ESYT3: variants seen among roughly 807,000 people sequenced by gnomAD.
The protein encoded by ESYT3 is extended synaptotagmin 3, also known as extended synaptotagmin-3.
In ESYT3, 101 loss-of-function variants were observed where a neutral mutation model predicts 111.5. The observed-to-expected ratio is 0.91, with a 90% confidence interval of 0.77 to 1.07. The LOEUF (loss-of-function observed/expected upper bound fraction) is 1.07. Ranked by LOEUF, ESYT3 falls within the 50% of genes least tolerant of loss-of-function variation. The pLI is 0.00. For missense variants in ESYT3, 1,097 were observed against 1,109.4 expected (o/e 0.99, Z 0.16); for synonymous variants, 416 against 446.8 (o/e 0.93, Z 0.87).
chr3:138,474,968 T>C (rs755965443), intron 20 of ESYT3, among the ~76,000 whole-genome samples: 1 of 152,246 alleles, frequency 6.6e-6, no homozygotes, highest in Non-Finnish European at 1.5e-5. Context: ...TAAAAAGACA[T>C]TTCTAGCCAG....
chr3:138,455,141 TCTGCAGTG>T, intron 2 of ESYT3, 45 bp from the exon 3 acceptor site: 1 of 1,598,708 alleles, frequency 6.3e-7, no homozygotes, highest in South Asian at 1.1e-5. Context: ...CAGCTGTGGG[TCTGCAGTG>T]GGGGTACAGA....
At chr3:138,450,361 ATGTT>A (rs2031841658) in intron 1 of ESYT3, among the ~76,000 whole-genome samples, 1 of 152,094 alleles carries the variant, frequency 6.6e-6, no homozygotes, top group African/African-American at 2.4e-5. Flanking sequence ...GCTGCAGAGA[ATGTT>A]TGCTGAGCAG....
rs1366477456 is a variant in ESYT3, at chr3:138,435,153, G to A, written c.327+28G>A. ...GAGCCAAGCCGGGTGGGAGTGGGAGGTGGGGAGATGCCTTTCGAGGTTCGG... is the reference window on the plus strand; with the variant it reads ...GAGCCAAGCCGGGTGGGAGTGGGAGATGGGGAGATGCCTTTCGAGGTTCGG... On this transcript the variant is annotated intron_variant, in intron 1 of 22. Transcript: ENST00000389567. The surrounding 1 kb of genome is among the most constrained non-coding windows in gnomAD (Gnocchi z 4.8). 10 of 1,529,430 alleles carry A rather than the reference G, an allele frequency of 6.5e-6. No individual in the cohort carries two copies. The highest frequency in any genetic ancestry group is 2.3e-5 in the East Asian group (1 of 43,260). The allele number at this position is 1,529,430 out of a possible 1,614,324, so 94.7% of individuals were successfully genotyped here. A position where few individuals can be genotyped will look rare whatever the true frequency, so the allele number is the denominator to read the frequency against.
chr3:138,470,057 C>T lies in ESYT3; in HGVS notation c.1504-3C>T. The T allele has an allele frequency of 6.2e-7, 1 of 1,611,920 alleles. No individual in the cohort carries two copies. The highest frequency in any genetic ancestry group is 1.1e-5 in the South Asian group (1 of 90,914). ...CAATGATCTCTCCCTCTTCTGTTCC[C>T]AGACCTGTCCCCACAACAAGGACCC... On this transcript the variant is annotated splice_polypyrimidine_tract_variant and splice_region_variant and intron_variant, in intron 15 of 22. Coordinates refer to ENST00000389567, the MANE Select transcript of ESYT3 (RefSeq NM_031913.5).
At chr3:138,465,513 T>A in intron 10 of ESYT3, 92 bp downstream of exon 10, 2 of 980,610 alleles carry the variant, frequency 2.0e-6, no homozygotes, top group Non-Finnish European at 3.1e-6. Flanking sequence ...ACTTAATGAC[T>A]AGCAACCCGC....
intron 1 of ESYT3, among the ~76,000 whole-genome samples, chr3:138,445,386 G>A (rs2031469276): frequency 6.6e-6 from 1 of 152,194 alleles, no homozygotes; most frequent in Non-Finnish European, 1.5e-5. Context: ...CCCCCATTGG[G>A]CAGAGTTTCA....
Position 138,464,432 on chromosome 3 carries a change from G to A in ESYT3, c.1003G>A (p.Ala335Thr), listed in dbSNP as rs764090234. 6.2e-6 allele frequency: 10 copies of A among 1,614,128 alleles called. No homozygotes were observed. Among genetic ancestry groups the A allele is most frequent in the South Asian group, 1.1e-5 (1 of 91,076 alleles). ...GCTCCGAGGCAAGTCAGATCCCTAC[G>A]CCAAGGTGAGCATCGGCCTACAGCA... ...LGLRGKSDPY[A>T]KVSIGLQHFR... The change falls in exon 9 of 23, where the codon GCC becomes ACC. Residue 335 changes from alanine to threonine, a missense_variant. Ala to Thr is a moderately conservative substitution (Grantham distance 58). Coordinates refer to ENST00000389567, the MANE Select transcript of ESYT3 (RefSeq NM_031913.5).
Position 138,479,890 on chromosome 3 carries a change from T to A in ESYT3, c.*3036T>A, listed in dbSNP as rs2033648884. 1 of 152,206 alleles carries A rather than the reference T, an allele frequency of 6.6e-6. No homozygotes were observed. The highest frequency in any genetic ancestry group is 6.5e-5 in the Admixed American group (1 of 15,278). 9.4% of individuals were successfully genotyped at this position (152,206 alleles called of 1,614,324 possible). A position where few individuals can be genotyped will look rare whatever the true frequency, so the allele number is the denominator to read the frequency against. On this transcript the variant is annotated 3_prime_UTR_variant, in exon 23 of 23. Transcript: ENST00000389567. ...TCCCCTAGAGTCCACTTCTACCCCG[T>A]TTAGTAGTAAATACAAGAATTGCTA...
At chr3:138,459,789 G>A (rs1440747222) in intron 5 of ESYT3, among the ~76,000 whole-genome samples, 156 bp from the exon 6 acceptor site, 1 of 152,364 alleles carries the variant, frequency 6.6e-6, no homozygotes, top group Non-Finnish European at 1.5e-5. Context: ...CCTTAAGTAC[G>A]GTTCCTGCTG....
intron 20 of ESYT3, 131 bp from the exon 21 acceptor site, chr3:138,476,092 G>A: frequency 1.6e-6 from 1 of 641,396 alleles, no homozygotes; most frequent in Non-Finnish European, 2.8e-6. Flanking sequence ...GTAGTTATGA[G>A]CCAGTCCTGC....
Position 138,456,589 on chromosome 3 carries a change from C to T in ESYT3, c.505-979C>T, listed in dbSNP as rs191518978. On this transcript the variant is annotated intron_variant, in intron 3 of 22. Transcript: ENST00000389567. ...CAGGAGGTCAGCAGCCGGGAGCTGC[C>T]GGAGCTCCGCCTCCTGTCAGATCAG... Among the ~76,000 whole-genome samples the T allele has an allele frequency of 3.2e-3, 487 of 152,256 alleles. 4 individuals are homozygous for T. Among genetic ancestry groups the T allele is most frequent in the African/African-American group, 0.011 (448 of 41,546 alleles).
intron 1 of ESYT3, among the ~76,000 whole-genome samples, chr3:138,448,023 G>A (rs560981288): frequency 3.6e-4 from 54 of 151,896 alleles, no homozygotes; most frequent in African/African-American, 1.3e-3. Flanking sequence ...ATCCCAACGC[G>A]TTGGGAGGCC....
At chr3:138,474,473 A>C in intron 20 of ESYT3, 121 bp downstream of exon 20, 1 of 1,131,672 alleles carries the variant, frequency 8.8e-7, no homozygotes. Context: ...AAGACAACAT[A>C]GTCTATGACT....
chr3:138,441,578 C>T (rs2031155639), intron 1 of ESYT3, among the ~76,000 whole-genome samples: 1 of 152,098 alleles, frequency 6.6e-6, no homozygotes. Context: ...GGGCCACAAC[C>T]CAGCTACCTC....
At chr3:138,474,054 A>G (rs1256745348) in intron 19 of ESYT3, among the ~76,000 whole-genome samples, 167 bp from the exon 20 acceptor site, 2 of 152,230 alleles carry the variant, frequency 1.3e-5, no homozygotes, top group Non-Finnish European at 2.9e-5. Flanking sequence ...CATCAGGACC[A>G]CTGAGCATTT....
At chr3:138,468,570 C>T (rs182348151) in intron 12 of ESYT3, 85 bp from the exon 13 acceptor site, 5 of 1,427,454 alleles carry the variant, frequency 3.5e-6, no homozygotes, top group African/African-American at 1.4e-5. Context: ...AGCTGGCTTT[C>T]TTCTGCCATG....
rs1246187914 is a variant in ESYT3 at position 138,478,598 on chromosome 3, C to G, written c.*1744C>G. On this transcript the variant is annotated 3_prime_UTR_variant, in exon 23 of 23. Transcript: ENST00000389567. ...CCCCTCTTCTTCCAAACTTAAACCA[C>G]AAACATTTATTTTAAACGTGGTCAA... 6 of 152,186 alleles carry G rather than the reference C, an allele frequency of 3.9e-5. No homozygotes were observed. The highest frequency in any genetic ancestry group is 8.8e-5 in the Non-Finnish European group (6 of 68,034). The allele number at this position is 152,186 out of a possible 1,614,324, so 9.4% of individuals were successfully genotyped here. A position where few individuals can be genotyped will look rare whatever the true frequency, so the allele number is the denominator to read the frequency against.
intron 3 of ESYT3, among the ~76,000 whole-genome samples, chr3:138,456,514 T>A (rs2032285257): frequency 6.6e-6 from 1 of 152,118 alleles, no homozygotes; most frequent in African/African-American, 2.4e-5. Flanking sequence ...GCTCCTCTGG[T>A]GGTTGTCTCT....
chr3:138,477,479 G>A lies in ESYT3; in HGVS notation c.*625G>A, dbSNP rs1012174541. 6.6e-6 allele frequency: 1 copy of A among 152,388 alleles called. No individual in the cohort carries two copies. 9.4% of individuals were successfully genotyped at this position (152,388 alleles called of 1,614,324 possible). A position where few individuals can be genotyped will look rare whatever the true frequency, so the allele number is the denominator to read the frequency against. ...TCCCTACTGGCAAAAATGTTATACT[G>A]ATATACTTAAATACCTTGAGTTAAA... On this transcript the variant is annotated 3_prime_UTR_variant, in exon 23 of 23. Coordinates refer to ENST00000389567, the MANE Select transcript of ESYT3 (RefSeq NM_031913.5).
Sources: gnomAD v4.1 joint callset for allele counts (sites outside exome capture counted in the v4.1 genomes callset) on GRCh38, gnomAD v4.1.1 for gene constraint, Gnocchi (gnomAD v3.1) non-coding constraint, MANE v1.5 for transcripts, NCBI Gene and HGNC (gene_info 2026-07-23, HGNC 2026-07-21) for gene names.